NAALADL2: variants seen among roughly 807,000 people sequenced by gnomAD.
NAALADL2 encodes N-acetylated alpha-linked acidic dipeptidase like 2.
NAALADL2 carries 76 observed loss-of-function variants against 87.2 expected under a neutral mutation model. That is an observed-to-expected ratio of 0.87 (90% CI 0.72 to 1.05). NAALADL2 has a LOEUF of 1.05. Ranked by LOEUF, NAALADL2 falls within the 50% of genes least tolerant of loss-of-function variation. The probability of loss-of-function intolerance (pLI) is 0.00; values close to 1 mark genes in which losing one functional copy is unlikely to be tolerated. For missense variants in NAALADL2, 1,089 were observed against 945.8 expected, an observed-to-expected ratio of 1.15 and a Z score of -1.99; for synonymous variants, 354 against 331.0, an observed-to-expected ratio of 1.07 and a Z score of -0.75.
At chr3:175,667,600 T>G (rs573195962) in intron 11 of NAALADL2, among the ~76,000 whole-genome samples, 4 of 152,270 alleles carry the variant, frequency 2.6e-5, no homozygotes, top group South Asian at 4.1e-4. Flanking sequence ...TATCATAACT[T>G]TTGTTTAAAT....
intron 3 of NAALADL2, chr3:175,235,328 T>C (rs560282859): frequency 2.0e-5 from 3 of 152,206 alleles, no homozygotes; most frequent in Non-Finnish European, 4.4e-5. Context: ...TTCTATTCTG[T>C]ATATATCACA....
intron 11 of NAALADL2, among the ~76,000 whole-genome samples, chr3:175,720,718 A>G (rs1742123691): frequency 2.6e-5 from 4 of 152,150 alleles, no homozygotes; most frequent in Admixed American, 2.6e-4. Context: ...AATAACAACT[A>G]GACTGCAACT....
chr3:175,124,190 T>C (rs534478170), intron 2 of NAALADL2, among the ~76,000 whole-genome samples: 2 of 152,110 alleles, frequency 1.3e-5, no homozygotes, highest in South Asian at 4.1e-4. Context: ...TTGGGCATGA[T>C]CAAATTCTAC....
chr3:174,887,367 CT>C (rs778533693), intron 1 of NAALADL2, among the ~76,000 whole-genome samples: 3 of 151,302 alleles, frequency 2.0e-5, no homozygotes, highest in Non-Finnish European at 4.4e-5. Flanking sequence ...TTATTAATCT[CT>C]TTATTAATGG....
At chr3:174,623,229 G>A (rs1350183087) in intron 2 of NAALADL2, among the ~76,000 whole-genome samples, 1 of 152,166 alleles carries the variant, frequency 6.6e-6, no homozygotes, top group East Asian at 1.9e-4. Context: ...AGCATTTTAA[G>A]CAGATACTTG....
chr3:175,741,439 T>TG (rs536601122), intron 12 of NAALADL2, among the ~76,000 whole-genome samples: 176 of 152,218 alleles, frequency 1.2e-3, no homozygotes, highest in Middle Eastern at 3.4e-3. Context: ...ACATGAATTT[T>TG]GGGGGACATA....
At chr3:174,979,304 C>CTT (rs5854604) in intron 1 of NAALADL2, among the ~76,000 whole-genome samples, 3,765 of 105,052 alleles carry the variant, frequency 0.036, 330 homozygotes, top group African/African-American at 0.096. Context: ...TCTTTCTTTT[C>CTT]TTTTTTTTTT....
chr3:175,106,951 A>C (rs541069856), intron 2 of NAALADL2, among the ~76,000 whole-genome samples: 1 of 152,000 alleles, frequency 6.6e-6, no homozygotes, highest in Non-Finnish European at 1.5e-5. Flanking sequence ...TCACTTAAAA[A>C]TTTTTCCAAT....
chr3:175,697,910 T>C (rs1257503378), intron 11 of NAALADL2, among the ~76,000 whole-genome samples: 1 of 57,106 alleles, frequency 1.8e-5, no homozygotes, highest in East Asian at 5.2e-4. Flanking sequence ...TACATATATA[T>C]GTGTATATAT....
At chr3:174,894,220 T>C (rs1356157562) in intron 1 of NAALADL2, among the ~76,000 whole-genome samples, 1 of 152,046 alleles carries the variant, frequency 6.6e-6, no homozygotes, top group Non-Finnish European at 1.5e-5. Flanking sequence ...TTAATAGAGC[T>C]GTACAGATAA....
At chr3:174,756,723 C>G (rs1274965307) in intron 3 of NAALADL2, among the ~76,000 whole-genome samples, 1 of 152,120 alleles carries the variant, frequency 6.6e-6, no homozygotes, top group Admixed American at 6.6e-5. Flanking sequence ...AAAGCTGGTA[C>G]ACAGTAAAGA....
chr3:175,665,929 C>A (rs549646960), intron 11 of NAALADL2, among the ~76,000 whole-genome samples: 2 of 151,662 alleles, frequency 1.3e-5, no homozygotes, highest in East Asian at 3.9e-4. Flanking sequence ...GACTCTGTCC[C>A]CCCCCCAAAA....
intron 10 of NAALADL2, among the ~76,000 whole-genome samples, chr3:175,588,086 G>T (rs1720801805): frequency 7.1e-6 from 1 of 140,832 alleles, no homozygotes; most frequent in African/African-American, 2.7e-5. Flanking sequence ...AAACCTTGGG[G>T]TAAAAAAAAA....
chr3:175,695,952 C>T (rs77795040), intron 11 of NAALADL2, among the ~76,000 whole-genome samples: 2,211 of 152,224 alleles, frequency 0.015, 19 homozygotes, highest in Admixed American at 0.022. Context: ...AGCTCGCCAT[C>T]TCACTGGGTA....
intron 10 of NAALADL2, among the ~76,000 whole-genome samples, chr3:175,609,255 T>C (rs934489292): frequency 1.3e-5 from 2 of 151,998 alleles, no homozygotes; most frequent in Non-Finnish European, 2.9e-5. Context: ...TTGGAAGCAA[T>C]GAGAAGTGTA....
intron 3 of NAALADL2, among the ~76,000 whole-genome samples, chr3:174,852,466 T>C (rs1725357227): frequency 6.6e-6 from 1 of 152,104 alleles, no homozygotes; most frequent in South Asian, 2.1e-4. Flanking sequence ...CCATTTACCA[T>C]AGCTATAGAT....
At chr3:175,530,747 C>A (rs555664539) in intron 9 of NAALADL2, among the ~76,000 whole-genome samples, 1 of 152,210 alleles carries the variant, frequency 6.6e-6, no homozygotes, top group East Asian at 1.9e-4. Flanking sequence ...TCAGGACCTG[C>A]TCGAGATCCA....
chr3:174,603,757 A>G (rs1718693396), intron 2 of NAALADL2, among the ~76,000 whole-genome samples: 1 of 151,902 alleles, frequency 6.6e-6, no homozygotes, highest in South Asian at 2.1e-4. Context: ...TGTATTCCAT[A>G]GGTTTTTGTG....
intron 9 of NAALADL2, among the ~76,000 whole-genome samples, chr3:175,545,892 A>G (rs1015667977): frequency 2.6e-5 from 4 of 152,166 alleles, no homozygotes; most frequent in Non-Finnish European, 5.9e-5. Context: ...GAACTTAACA[A>G]AATATTTGCT....
Sources: allele counts gnomAD v4.1 joint callset (sites outside exome capture counted in the v4.1 genomes callset), GRCh38; gene constraint gnomAD v4.1.1; transcripts MANE v1.5; gene names NCBI Gene and HGNC (gene_info 2026-07-23, HGNC 2026-07-21).